Variants in RBM5 observed in about 807,000 individuals in gnomAD.
The protein encoded by RBM5 is RNA-binding protein 5.
In RBM5, 15 loss-of-function variants were observed where a neutral mutation model predicts 124.6. The observed-to-expected ratio is 0.12, with a 90% CI of 0.08 to 0.19. RBM5 has a LOEUF of 0.19. Ranked by LOEUF, RBM5 falls within the 10% of genes least tolerant of loss-of-function variation. The pLI is 1.00. For synonymous variants in RBM5, 337 were observed against 361.2 expected (o/e 0.93, Z 0.76); for missense variants, 580 against 1,026.5 (o/e 0.57, Z 5.94).
chr3:50,105,839 C>A, intron 10 of RBM5, 130 bp downstream of exon 10: 1 of 978,256 alleles, frequency 1.0e-6, no homozygotes, highest in Non-Finnish European at 1.5e-6. Context: ...ACAGTTTTTG[C>A]ACTGCTAAAT....
intron 3 of RBM5, chr3:50,092,943 C>CTTTTTTTTTTTT: frequency 1.3e-5 from 1 of 77,804 alleles, no homozygotes. Flanking sequence ...CTTGATATAT[C>CTTTTTTTTTTTT]TTTTTTTTTT....
At chr3:50,113,216 G>C in intron 17 of RBM5, 167 bp from the exon 18 acceptor site, 2 of 577,478 alleles carry the variant, frequency 3.5e-6, no homozygotes, top group East Asian at 6.2e-5. Flanking sequence ...ACACCTCTTT[G>C]CTAGGTGGTT....
At chr3:50,104,889 G>A (rs1308009517) in intron 8 of RBM5, 188 bp from the exon 9 acceptor site, 1 of 524,764 alleles carries the variant, frequency 1.9e-6, no homozygotes, top group East Asian at 2.9e-5. Context: ...TCCCACTGTG[G>A]CCCAAAGTTT....
At chr3:50,106,690 C>A in intron 10 of RBM5, 77 bp from the exon 11 acceptor site, 1 of 1,048,432 alleles carries the variant, frequency 9.5e-7, no homozygotes, top group Non-Finnish European at 1.4e-6. Flanking sequence ...TAGAAAACTA[C>A]TTCTTTGAAT....
chr3:50,111,865 A>G (rs1043088193), intron 17 of RBM5, among the ~76,000 whole-genome samples: 19 of 152,108 alleles, frequency 1.2e-4, no homozygotes, highest in Non-Finnish European at 2.2e-4. Flanking sequence ...AAATAACTCT[A>G]TTTATGACCG....
intron 4 of RBM5, 79 bp from the exon 5 acceptor site, chr3:50,099,903 C>A: frequency 8.2e-6 from 10 of 1,220,514 alleles, no homozygotes; most frequent in South Asian, 1.6e-5. Flanking sequence ...GCTAATTAAA[C>A]AGTTGATGTA....
chr3:50,100,129 C>T lies in RBM5; in HGVS notation c.409+78C>T. 7.9e-7 allele frequency: 1 copy of T among 1,271,520 alleles called. No homozygotes were observed. The highest frequency in any genetic ancestry group is 1.1e-6 in the Non-Finnish European group (1 of 894,644). The allele number at this position is 1,271,520 out of a possible 1,614,324, so 78.8% of individuals were successfully genotyped here. Reference sequence around the variant, plus strand: ...CAGTCCCTAAAGAACATCCTGATTCCCCCAGTCTTCAAGCACATGAATTCA... The same window carrying T: ...CAGTCCCTAAAGAACATCCTGATTCTCCCAGTCTTCAAGCACATGAATTCA... On this transcript the variant is annotated intron_variant, in intron 5 of 24. Coordinates refer to ENST00000347869, the MANE Select transcript of RBM5 (RefSeq NM_005778.4). The surrounding 1 kb of genome is among the most constrained non-coding windows in gnomAD (Gnocchi z 5.1).
At chr3:50,093,652 A>G in intron 3 of RBM5, 68 bp from the exon 4 acceptor site, 13 of 1,484,854 alleles carry the variant, frequency 8.8e-6, no homozygotes, top group African/African-American at 1.4e-5. Flanking sequence ...GATAATTTCT[A>G]GGAGTGGAGG....
chr3:50,094,134 A>T (rs191672575), intron 4 of RBM5: 5 of 285,870 alleles, frequency 1.7e-5, no homozygotes, highest in East Asian at 5.8e-5. Context: ...GCCAAAGGTA[A>T]TTTTATACAA....
intron 9 of RBM5, 114 bp downstream of exon 9, chr3:50,105,256 A>C: frequency 1.1e-6 from 1 of 905,482 alleles, no homozygotes. Context: ...AAAATACAAA[A>C]AATTAGCTGG....
rs1040715331 is a variant in RBM5, at chr3:50,117,186, C to T, written c.2192+15C>T. On this transcript the variant is annotated intron_variant, in intron 23 of 24. Transcript: ENST00000347869. This position sits in a 1 kb window ranked among gnomAD's most constrained non-coding sequence, Gnocchi z 4.2. ...GCCGGCACTGTGTATGTGATGTGCA[C>T]ATTTTCCAGTTCGTAAGCTGGGGCC... 1 of 1,614,182 alleles carries T rather than the reference C, an allele frequency of 6.2e-7. No individual in the cohort carries two copies. The highest frequency in any genetic ancestry group is 1.3e-5 in the African/African-American group (1 of 75,036).
chr3:50,105,801 A>G (rs2109005019), intron 10 of RBM5, 92 bp downstream of exon 10: 1 of 1,375,434 alleles, frequency 7.3e-7, no homozygotes, highest in Non-Finnish European at 9.9e-7. Context: ...TGAGGCTCCT[A>G]AAGCCCAAGA....
At chr3:50,103,282 C>A in intron 7 of RBM5, 116 bp downstream of exon 7, 1 of 870,504 alleles carries the variant, frequency 1.1e-6, no homozygotes, top group Non-Finnish European at 1.8e-6. Flanking sequence ...CAGTAATATT[C>A]ATGGTTTGTT....
chr3:50,107,654 T>C, intron 12 of RBM5, 85 bp downstream of exon 12: 1 of 668,302 alleles, frequency 1.5e-6, no homozygotes, highest in East Asian at 2.8e-5. Flanking sequence ...GTACTCGCAG[T>C]ATGAGCTCTT....
intron 3 of RBM5, 135 bp from the exon 4 acceptor site, chr3:50,093,585 A>G (rs2090749522): frequency 2.1e-6 from 2 of 957,738 alleles, no homozygotes; most frequent in African/African-American, 1.6e-5. Flanking sequence ...AAAAAAAAAA[A>G]TTGCAGTGAA....
chr3:50,107,002 G>A (rs1166076786), intron 11 of RBM5, 138 bp downstream of exon 11: 4 of 769,324 alleles, frequency 5.2e-6, no homozygotes, highest in African/African-American at 1.7e-5. Flanking sequence ...GGAGGGACAC[G>A]TTTGTCTTCT....
intron 15 of RBM5, 150 bp downstream of exon 15, chr3:50,109,838 TATG>T (rs1418370069): frequency 2.1e-5 from 12 of 574,912 alleles, no homozygotes; most frequent in Non-Finnish European, 3.4e-5. Flanking sequence ...ATATTAATTT[TATG>T]ATATATATGT....
At chr3:50,096,757 A>AT (rs1212572728) in intron 4 of RBM5, among the ~76,000 whole-genome samples, 37 of 145,102 alleles carry the variant, frequency 2.5e-4, no homozygotes, top group South Asian at 1.1e-3. Flanking sequence ...CTCCGAGCTA[A>AT]TTTTTTTTTT....
At chr3:50,097,619 A>G (rs2090846445) in intron 4 of RBM5, among the ~76,000 whole-genome samples, 1 of 151,834 alleles carries the variant, frequency 6.6e-6, no homozygotes, top group African/African-American at 2.4e-5. Flanking sequence ...GATATTATTG[A>G]TGAAGAGACT....
Sources: gnomAD v4.1 joint callset for allele counts (sites outside exome capture counted in the v4.1 genomes callset) on GRCh38, gnomAD v4.1.1 for gene constraint, Gnocchi (gnomAD v3.1) non-coding constraint, MANE v1.5 for transcripts, NCBI Gene and HGNC (gene_info 2026-07-23, HGNC 2026-07-21) for gene names.